Variants in N4BP2L2 observed in about 807,000 individuals in gnomAD.
N4BP2L2 encodes NEDD4-binding protein 2-like 2.
N4BP2L2 carries 50 observed loss-of-function variants against 56.2 expected under a neutral mutation model. That is an observed-to-expected ratio of 0.89 (90% CI 0.71 to 1.13). The LOEUF is 1.13. Among genes scored for constraint, N4BP2L2 ranks in the 50% most tolerant of loss-of-function variants. The pLI is 0.00. For synonymous variants in N4BP2L2, 203 were observed against 223.6 expected (o/e 0.91, Z 0.82); for missense variants, 689 against 693.8 (o/e 0.99, Z 0.08).
intron 6 of N4BP2L2, among the ~76,000 whole-genome samples, chr13:32,487,799 A>G (rs560539359): frequency 1.2e-4 from 19 of 152,312 alleles, no homozygotes; most frequent in East Asian, 1.2e-3. Flanking sequence ...CTATGTTGTG[A>G]GCATTTTTAC....
At chr13:32,443,893 A>C (rs754031383) in exon 7 of N4BP2L2, 39 of 1,569,280 alleles carry the variant, frequency 2.5e-5, no homozygotes, top group Non-Finnish European at 3.2e-5. Flanking sequence ...AAAATCTCCG[A>C]CTTCATTTTG....
chr13:32,443,457 G>C (rs763571555), exon 7 of N4BP2L2: 2 of 1,613,746 alleles, frequency 1.2e-6, no homozygotes, highest in East Asian at 4.5e-5. Flanking sequence ...CCCAGTGATT[G>C]ATTTTAGTTG....
At chr13:32,498,593 T>G (rs1593882012) in intron 6 of N4BP2L2, among the ~76,000 whole-genome samples, 1 of 151,504 alleles carries the variant, frequency 6.6e-6, no homozygotes, top group Admixed American at 6.6e-5. Flanking sequence ...CCACCTGCCT[T>G]GGCCTCCCAA....
intron 6 of N4BP2L2, among the ~76,000 whole-genome samples, chr13:32,491,634 TA>T (rs200858374): frequency 0.018 from 1,956 of 109,140 alleles, 57 homozygotes; most frequent in African/African-American, 0.064. Context: ...TATATATATA[TA>T]TTTTTTTTTT....
At chr13:32,516,715 C>T (rs1303246901) in exon 6 of N4BP2L2, 1 of 211,470 alleles carries the variant, frequency 4.7e-6, no homozygotes, top group Non-Finnish European at 8.1e-6. Context: ...AAGAGTAAAT[C>T]AAAAAAGTAA....
intron 5 of N4BP2L2, among the ~76,000 whole-genome samples, chr13:32,518,568 A>G (rs1340699312): frequency 6.6e-6 from 1 of 152,194 alleles, no homozygotes; most frequent in African/African-American, 2.4e-5. Context: ...AGCTTTGATA[A>G]AAGGCAAAAC....
In N4BP2L2 at chr13:32,437,243, G is replaced by A. The variant is rs116433121; in HGVS notation, c.2191-838C>T. Among the ~76,000 whole-genome samples, 429 of 152,202 alleles carry A rather than the reference G, an allele frequency of 2.8e-3. 2 individuals carry two copies. Among genetic ancestry groups the A allele is most frequent in the African/African-American group, 9.6e-3 (400 of 41,526 alleles). The stretch of plus-strand genomic sequence containing the variant: ...GTGTGTGTGTATGTGTGTTTTAAGT[G>A]GCAATAATGTCTCCATGGGGAATAA... On this transcript the variant is annotated intron_variant, in intron 8 of 9. Coordinates refer to the N4BP2L2 transcript ENST00000357505.
At chr13:32,468,360 G>C (rs751675892) in intron 6 of N4BP2L2, among the ~76,000 whole-genome samples, 10 of 152,126 alleles carry the variant, frequency 6.6e-5, no homozygotes, top group South Asian at 4.1e-4. Flanking sequence ...GAAAAAAGCA[G>C]TGAAAATTTA....
At chr13:32,441,793 C>T (rs2076399880) in intron 7 of N4BP2L2, among the ~76,000 whole-genome samples, 1 of 150,286 alleles carries the variant, frequency 6.7e-6, no homozygotes, top group South Asian at 2.1e-4. Flanking sequence ...CCTGTAATCC[C>T]AGCACTTTGG....
At chr13:32,442,571 C>A in exon 7 of N4BP2L2, 2 of 1,613,794 alleles carry the variant, frequency 1.2e-6, no homozygotes, top group South Asian at 2.2e-5. Context: ...AAGTGAAAAT[C>A]AGAAGTGACT....
chr13:32,536,192 C>G, exon 2 of N4BP2L2: 1 of 1,614,016 alleles, frequency 6.2e-7, no homozygotes, highest in Non-Finnish European at 8.5e-7. Flanking sequence ...AAGAGGGGGA[C>G]CATAGGGCAC....
intron 6 of N4BP2L2, among the ~76,000 whole-genome samples, chr13:32,479,809 T>G (rs1277072611): frequency 2.0e-5 from 3 of 151,168 alleles, no homozygotes; most frequent in African/African-American, 7.3e-5. Flanking sequence ...AAATGAAGAT[T>G]AAGAGACAGA....
At chr13:32,470,022 A>G (rs1304535702) in intron 6 of N4BP2L2, among the ~76,000 whole-genome samples, 1 of 152,216 alleles carries the variant, frequency 6.6e-6, no homozygotes, top group Non-Finnish European at 1.5e-5. Flanking sequence ...GGCTGCATCA[A>G]TTAATGGCTA....
intron 2 of N4BP2L2, 91 bp from the exon 3 acceptor site, chr13:32,527,623 A>G (rs2053426560): frequency 7.1e-7 from 1 of 1,415,458 alleles, no homozygotes; most frequent in Non-Finnish European, 9.6e-7. Flanking sequence ...CAAGTGAAAT[A>G]AATCACACAG....
In N4BP2L2 at chr13:32,478,360, G is replaced by C. The variant is rs530265940; in HGVS notation, c.366-34234C>G. 3.5e-4 allele frequency: 82 copies of C among 235,698 alleles called. 1 individual carries two copies. Among genetic ancestry groups the C allele is most frequent in the Non-Finnish European group, 6.2e-4 (72 of 116,098 alleles). 14.6% of individuals were successfully genotyped at this position (235,698 alleles called of 1,614,324 possible). A position where few individuals can be genotyped will look rare whatever the true frequency, so the allele number is the denominator to read the frequency against. On this transcript the variant is annotated intron_variant, in intron 6 of 9. Coordinates refer to the N4BP2L2 transcript ENST00000357505. ...ACTATATAACGCAATTTCTTACCCT[G>C]TTATCTGTGTGCCACACTGTTATTC...
At chr13:32,442,432 G>A in exon 7 of N4BP2L2, 2 of 1,609,082 alleles carry the variant, frequency 1.2e-6, no homozygotes, top group African/African-American at 2.7e-5. Flanking sequence ...TAATTGAAAG[G>A]CAAACCCTTG....
At chr13:32,467,962 C>T (rs1352547000) in intron 6 of N4BP2L2, among the ~76,000 whole-genome samples, 3 of 148,342 alleles carry the variant, frequency 2.0e-5, no homozygotes, top group Non-Finnish European at 4.5e-5. Flanking sequence ...TGCTCTGTTG[C>T]ATAGGCAACA....
At chr13:32,480,762 G>A (rs1566100251) in intron 6 of N4BP2L2, 1 of 471,186 alleles carries the variant, frequency 2.1e-6, no homozygotes, top group African/African-American at 2.1e-5. Context: ...AGAACTCATA[G>A]AGTGTGATTT....
intron 1 of N4BP2L2, among the ~76,000 whole-genome samples, chr13:32,537,253 T>C (rs1413516932): frequency 6.6e-6 from 1 of 151,698 alleles, no homozygotes; most frequent in Non-Finnish European, 1.5e-5. Flanking sequence ...TTGAAAAATA[T>C]ATATATATGT....
Sources: allele counts gnomAD v4.1 joint callset (sites outside exome capture counted in the v4.1 genomes callset), GRCh38; gene constraint gnomAD v4.1.1; transcripts MANE v1.5; gene names NCBI Gene and HGNC (gene_info 2026-07-23, HGNC 2026-07-21).